Variants in XRCC4 observed in about 807,000 individuals in gnomAD.
The protein encoded by XRCC4 is DNA repair protein XRCC4.
In XRCC4, 28 loss-of-function variants were observed where a neutral mutation model predicts 39.1. The ratio of observed to expected loss-of-function variants is 0.72; its 90% confidence interval spans 0.53 to 0.98. The LOEUF is 0.98. XRCC4 is among the 50% of genes least tolerant of loss of function. The pLI, the probability that XRCC4 is intolerant of heterozygous loss-of-function variation, is 0.00. For missense variants in XRCC4, 350 were observed against 376.4 expected (o/e 0.93, Z 0.58); for synonymous variants, 123 against 126.4 (o/e 0.97, Z 0.18).
the XRCC4 span, among the ~76,000 whole-genome samples, chr5:83,371,613 C>T: frequency 7.2e-5 from 11 of 152,160 alleles, no homozygotes; most frequent in African/African-American, 1.7e-4. Flanking sequence ...AGCAGGAGCA[C>T]TTTCAGTGGA....
At chr5:83,361,998 C>G in the XRCC4 span, among the ~76,000 whole-genome samples, 2 of 152,104 alleles carry the variant, frequency 1.3e-5, no homozygotes, top group African/African-American at 4.8e-5. Flanking sequence ...CCTTCTCATG[C>G]AAAGCAACTT....
At chr5:83,310,307 G>T (rs1404953177) in intron 7 of XRCC4, among the ~76,000 whole-genome samples, 1 of 152,116 alleles carries the variant, frequency 6.6e-6, no homozygotes, top group Non-Finnish European at 1.5e-5. Context: ...AGGGAGGCTG[G>T]ATCTACTCCA....
intron 3 of XRCC4, among the ~76,000 whole-genome samples, chr5:83,146,476 A>T (rs528316647): frequency 6.6e-6 from 1 of 152,336 alleles, no homozygotes; most frequent in African/African-American, 2.4e-5. Context: ...CATTATTAAT[A>T]TGAATGTCTG....
the XRCC4 span, among the ~76,000 whole-genome samples, chr5:83,374,428 C>T: frequency 6.6e-6 from 1 of 152,152 alleles, no homozygotes; most frequent in Non-Finnish European, 1.5e-5. Context: ...CCTCCTCGGC[C>T]ACATGGAACC....
chr5:83,306,297 A>G (rs1012414424), intron 7 of XRCC4, among the ~76,000 whole-genome samples: 8 of 152,218 alleles, frequency 5.3e-5, no homozygotes, highest in South Asian at 2.1e-4. Flanking sequence ...ACGAAAAACC[A>G]TAGAATTTGC....
At chr5:83,102,760 A>G (rs910104820) in intron 1 of XRCC4, among the ~76,000 whole-genome samples, 5 of 151,960 alleles carry the variant, frequency 3.3e-5, no homozygotes, top group African/African-American at 9.7e-5. Flanking sequence ...TACCTCTTTC[A>G]TGGTCCAACC....
At chr5:83,188,816 A>G (rs1014216895) in intron 3 of XRCC4, among the ~76,000 whole-genome samples, 20 of 152,200 alleles carry the variant, frequency 1.3e-4, no homozygotes, top group African/African-American at 4.8e-4. Flanking sequence ...AAATAAGAAG[A>G]GGGCCAAGGA....
At chr5:83,331,108 C>G (rs1756425223) in intron 7 of XRCC4, among the ~76,000 whole-genome samples, 1 of 151,982 alleles carries the variant, frequency 6.6e-6, no homozygotes, top group Admixed American at 6.6e-5. Context: ...CCAAAGTTCT[C>G]AATAGAAGTA....
At chr5:83,240,512 C>A (rs1001967786) in intron 6 of XRCC4, among the ~76,000 whole-genome samples, 1 of 152,092 alleles carries the variant, frequency 6.6e-6, no homozygotes, top group African/African-American at 2.4e-5. Flanking sequence ...CAATTGGAGG[C>A]ATTCTGACTT....
At chr5:83,249,616 A>G (rs766621767) in intron 6 of XRCC4, among the ~76,000 whole-genome samples, 4 of 152,150 alleles carry the variant, frequency 2.6e-5, no homozygotes, top group Non-Finnish European at 5.9e-5. Flanking sequence ...GGAAAGGTTT[A>G]TCATTGTCAA....
At chr5:83,193,233 C>G (rs1750790527) in intron 3 of XRCC4, among the ~76,000 whole-genome samples, 1 of 151,798 alleles carries the variant, frequency 6.6e-6, no homozygotes. Context: ...CTGCTCCTGG[C>G]TATGCACCGT....
intron 1 of XRCC4, among the ~76,000 whole-genome samples, chr5:83,099,589 T>G (rs1745830225): frequency 6.6e-6 from 1 of 152,206 alleles, no homozygotes; most frequent in South Asian, 2.1e-4. Flanking sequence ...AGGCCAAGTA[T>G]CAAAGACACA....
At chr5:83,130,453 G>C (rs1747512940) in intron 3 of XRCC4, among the ~76,000 whole-genome samples, 1 of 152,140 alleles carries the variant, frequency 6.6e-6, no homozygotes. Flanking sequence ...GTCTCTGCCA[G>C]GCTTTGGTAT....
At chr5:83,155,609 T>TA (rs1748920665) in intron 3 of XRCC4, among the ~76,000 whole-genome samples, 1 of 152,144 alleles carries the variant, frequency 6.6e-6, no homozygotes, top group African/African-American at 2.4e-5. Flanking sequence ...ACTTATTAGT[T>TA]ACTTGGATGA....
At chr5:83,337,138 A>G (rs1756618267) in intron 7 of XRCC4, among the ~76,000 whole-genome samples, 1 of 152,150 alleles carries the variant, frequency 6.6e-6, no homozygotes, top group Non-Finnish European at 1.5e-5. Flanking sequence ...ACTCTAAGAG[A>G]AAAAAGGCAA....
At chr5:83,325,081 A>G (rs1301619692) in intron 7 of XRCC4, among the ~76,000 whole-genome samples, 1 of 152,012 alleles carries the variant, frequency 6.6e-6, no homozygotes, top group East Asian at 1.9e-4. Context: ...ATTCCCTAGT[A>G]TGAGCTTTTG....
At chr5:83,109,574 C>A (rs569734026) in intron 2 of XRCC4, among the ~76,000 whole-genome samples, 46 of 151,970 alleles carry the variant, frequency 3.0e-4, no homozygotes, top group Admixed American at 9.2e-4. Flanking sequence ...CAACAAATAA[C>A]GAGATTGAAT....
chr5:83,194,215 G>T (rs1750844472), intron 3 of XRCC4, among the ~76,000 whole-genome samples: 2 of 152,124 alleles, frequency 1.3e-5, no homozygotes, highest in Non-Finnish European at 2.9e-5. Flanking sequence ...CAAAGTGTTG[G>T]GATTACAGGA....
chr5:83,368,870 G>A, the XRCC4 span, among the ~76,000 whole-genome samples: 1 of 152,252 alleles, frequency 6.6e-6, no homozygotes, highest in South Asian at 2.1e-4. Flanking sequence ...ACATTAGAAT[G>A]GATAGAGACA....
Sources: allele counts gnomAD v4.1 joint callset (sites outside exome capture counted in the v4.1 genomes callset), GRCh38; gene constraint gnomAD v4.1.1; transcripts MANE v1.5; gene names NCBI Gene and HGNC (gene_info 2026-07-23, HGNC 2026-07-21).